ANXA8: variants seen among roughly 807,000 people sequenced by gnomAD.
ANXA8 encodes the protein annexin A8, also known as VAC-beta.
A neutral mutation model predicts 26.8 loss-of-function variants in ANXA8; 9 were observed. The observed-to-expected ratio is 0.34, with a 90% confidence interval of 0.20 to 0.59. The LOEUF is 0.59. Among genes scored for constraint, ANXA8 ranks in the 20% least tolerant of loss-of-function variants. ANXA8 has a pLI of 0.84. For synonymous variants in ANXA8, 39 were observed against 94.8 expected (o/e 0.41, Z 3.42); for missense variants, 83 against 238.5 (o/e 0.35, Z 4.29).
At chr10:47,958,259 A>G in the ANXA8 span, among the ~76,000 whole-genome samples, 5 of 149,628 alleles carry the variant, frequency 3.3e-5, no homozygotes, top group Admixed American at 1.3e-4. Context: ...CCGGCAGAGC[A>G]CTTGAAATCA....
chr10:47,653,495 A>G, the ANXA8 span, among the ~76,000 whole-genome samples: 1 of 151,758 alleles, frequency 6.6e-6, no homozygotes, highest in South Asian at 2.1e-4. Flanking sequence ...TTCTGGCTTT[A>G]ATAACTCCAG....
the ANXA8 span, among the ~76,000 whole-genome samples, chr10:47,902,119 C>G: frequency 2.6e-5 from 4 of 151,758 alleles, no homozygotes; most frequent in Non-Finnish European, 5.9e-5. Flanking sequence ...CTTTTATTAG[C>G]CAACTTGGTA....
chr10:47,977,823 A>T, the ANXA8 span, among the ~76,000 whole-genome samples: 2 of 151,384 alleles, frequency 1.3e-5, no homozygotes, highest in African/African-American at 2.4e-5. Context: ...AGCCTCAGAG[A>T]GCATACCAAT....
At chr10:47,663,216 C>T in the ANXA8 span, among the ~76,000 whole-genome samples, 40 of 148,266 alleles carry the variant, frequency 2.7e-4, 1 homozygote, top group Non-Finnish European at 4.7e-4. Context: ...GAAGACACCG[C>T]GTTAATTGTG....
At chr10:47,683,475 G>A in the ANXA8 span, among the ~76,000 whole-genome samples, 10 of 151,852 alleles carry the variant, frequency 6.6e-5, no homozygotes, top group East Asian at 1.9e-4. Context: ...TGATCTGCCC[G>A]CCTCAGCCTC....
the ANXA8 span, among the ~76,000 whole-genome samples, chr10:47,622,823 C>A: frequency 1.8e-5 from 2 of 111,990 alleles, 1 homozygote; most frequent in South Asian, 5.8e-4. Flanking sequence ...CTTAGTCTGA[C>A]AAAATTACGG....
the ANXA8 span, among the ~76,000 whole-genome samples, chr10:47,932,458 G>A: frequency 1.3e-5 from 2 of 149,774 alleles, no homozygotes; most frequent in East Asian, 4.0e-4. Flanking sequence ...TTGACTTCAG[G>A]CTTGATTCAA....
the ANXA8 span, among the ~76,000 whole-genome samples, chr10:47,980,374 C>T: frequency 3.6e-3 from 544 of 150,036 alleles, 2 homozygotes; most frequent in African/African-American, 6.8e-3. Context: ...GAAAAGGAAG[C>T]GCAAACTAAG....
chr10:47,672,349 G>A, the ANXA8 span, among the ~76,000 whole-genome samples: 1 of 151,834 alleles, frequency 6.6e-6, no homozygotes, highest in African/African-American at 2.4e-5. Context: ...AAGTATATAT[G>A]TTAAAGAATA....
At chr10:47,668,059 G>A in the ANXA8 span, among the ~76,000 whole-genome samples, 15 of 151,530 alleles carry the variant, frequency 9.9e-5, no homozygotes, top group South Asian at 2.1e-4. Flanking sequence ...TTTCAGTTAC[G>A]AAACTTACAT....
chr10:47,655,743 G>A, the ANXA8 span, among the ~76,000 whole-genome samples: 11 of 152,000 alleles, frequency 7.2e-5, no homozygotes, highest in East Asian at 1.9e-4. Flanking sequence ...AGCTGCGGCC[G>A]GGCAAGGTGG....
the ANXA8 span, among the ~76,000 whole-genome samples, chr10:47,658,261 G>A: frequency 2.7e-5 from 4 of 150,778 alleles, no homozygotes; most frequent in Non-Finnish European, 4.4e-5. Context: ...CCAACTACTC[G>A]GGTAGTCCCA....
chr10:47,991,472 G>T, the ANXA8 span, among the ~76,000 whole-genome samples: 24 of 141,134 alleles, frequency 1.7e-4, 1 homozygote, highest in African/African-American at 6.4e-4. Flanking sequence ...CCTGTCTCCC[G>T]GCCCAGGTCC....
the ANXA8 span, chr10:47,590,054 T>C: frequency 6.8e-6 from 1 of 146,042 alleles, no homozygotes; most frequent in African/African-American, 2.8e-5. Context: ...GGGTGGCAAG[T>C]TCATCCTATT....
the ANXA8 span, among the ~76,000 whole-genome samples, chr10:47,746,900 CA>C: frequency 1.7e-5 from 2 of 116,328 alleles, no homozygotes; most frequent in African/African-American, 6.5e-5. Flanking sequence ...TGTATAAAAT[CA>C]CTCTCTGCTG....
chr10:47,743,420 G>C, the ANXA8 span, among the ~76,000 whole-genome samples: 1 of 131,360 alleles, frequency 7.6e-6, no homozygotes, highest in South Asian at 2.5e-4. Flanking sequence ...GAGAGAGAGA[G>C]AGAGAGAGAA....
At chr10:47,686,859 G>C in the ANXA8 span, among the ~76,000 whole-genome samples, 1 of 151,838 alleles carries the variant, frequency 6.6e-6, no homozygotes, top group Non-Finnish European at 1.5e-5. Context: ...AAAATGGTTG[G>C]AGTAGAAGTG....
At chr10:47,727,353 A>G in the ANXA8 span, among the ~76,000 whole-genome samples, 4 of 152,246 alleles carry the variant, frequency 2.6e-5, no homozygotes, top group African/African-American at 4.8e-5. Flanking sequence ...TAAAGCAAAG[A>G]TAATATATTT....
chr10:47,937,069 T>A, the ANXA8 span, among the ~76,000 whole-genome samples: 1 of 149,852 alleles, frequency 6.7e-6, no homozygotes, highest in Non-Finnish European at 1.5e-5. Context: ...GAAAGTTGCC[T>A]CTGTTTGCTG....
Sources: gnomAD v4.1 joint callset for allele counts (sites outside exome capture counted in the v4.1 genomes callset) on GRCh38, gnomAD v4.1.1 for gene constraint, MANE v1.5 for transcripts, NCBI Gene and HGNC (gene_info 2026-07-23, HGNC 2026-07-21) for gene names.